Variants in SIMC1 observed in about 807,000 individuals in gnomAD.
SIMC1 encodes the protein SUMO-interacting motif-containing protein 1.
SIMC1 carries 55 observed loss-of-function variants against 82.3 expected under a neutral mutation model. The ratio of observed to expected loss-of-function variants is 0.67; its 90% CI spans 0.54 to 0.84. The LOEUF is 0.84. Ranked by LOEUF, SIMC1 falls within the 40% of genes least tolerant of loss-of-function variation. The pLI is 0.00. For synonymous variants in SIMC1, 353 were observed against 426.3 expected (o/e 0.83, Z 2.12); for missense variants, 915 against 1,107.2 (o/e 0.83, Z 2.46).
intron 5 of SIMC1, among the ~76,000 whole-genome samples, chr5:176,314,212 A>T (rs1764801639): frequency 6.6e-6 from 1 of 152,208 alleles, no homozygotes; most frequent in African/African-American, 2.4e-5. Context: ...GGTTGCAGTG[A>T]GCCGAGATTG....
At chr5:176,258,618 G>T (rs568005097) in intron 1 of SIMC1, among the ~76,000 whole-genome samples, 58 of 150,230 alleles carry the variant, frequency 3.9e-4, no homozygotes, top group South Asian at 1.3e-3. Context: ...ATAGAGTCTT[G>T]CTCTCTCACC....
chr5:176,243,461 T>C (rs1220309201), intron 1 of SIMC1, among the ~76,000 whole-genome samples: 3 of 152,052 alleles, frequency 2.0e-5, no homozygotes, highest in Non-Finnish European at 4.4e-5. Context: ...TTGGATTTTA[T>C]TGTAATACAG....
At chr5:176,321,833 A>G (rs1459314736) in intron 5 of SIMC1, among the ~76,000 whole-genome samples, 2 of 150,496 alleles carry the variant, frequency 1.3e-5, no homozygotes, top group Non-Finnish European at 2.9e-5. Flanking sequence ...TTTACCCTGA[A>G]GTTACCTTTG....
At chr5:176,297,527 ACG>A (rs1763872866) in intron 4 of SIMC1, among the ~76,000 whole-genome samples, 1 of 148,340 alleles carries the variant, frequency 6.7e-6, no homozygotes. Flanking sequence ...AAAAAAAAAA[ACG>A]TTGAATGAAC....
Position 176,288,410 on chromosome 5 carries a change from A to AGAAT in SIMC1, c.130-1231_130-1228dup, listed in dbSNP as rs746968105. Among the ~76,000 whole-genome samples, 253 of 132,864 alleles carry AGAAT rather than the reference A, an allele frequency of 1.9e-3. 1 individual carries two copies. Among genetic ancestry groups the AGAAT allele is most frequent in the East Asian group, 0.016 (67 of 4,294 alleles). The allele number at this position is 132,864 out of a possible 152,430, so 87.2% of individuals were successfully genotyped here. A position where few individuals can be genotyped will look rare whatever the true frequency, so the allele number is the denominator to read the frequency against. ...GCTAACAGAGCGAGACTCCATCTCA[A>AGAAT]GAATGAATGAATGAATAAATAAATA... is the stretch of plus-strand genomic sequence containing the variant. On this transcript the variant is annotated intron_variant, in intron 1 of 9. Coordinates refer to ENST00000429602, the MANE Select transcript of SIMC1 (RefSeq NM_001308195.2).
At chr5:176,272,636 G>A (rs1363533757) in intron 1 of SIMC1, among the ~76,000 whole-genome samples, 1 of 152,172 alleles carries the variant, frequency 6.6e-6, no homozygotes, top group Non-Finnish European at 1.5e-5. Context: ...GCAGGGTGAG[G>A]CTTTGCCTCG....
intron 1 of SIMC1, among the ~76,000 whole-genome samples, chr5:176,281,758 C>T (rs1227519400): frequency 6.6e-6 from 1 of 152,158 alleles, no homozygotes; most frequent in Non-Finnish European, 1.5e-5. Context: ...TCGTGAACCG[C>T]GAATGCTGCC....
intron 7 of SIMC1, among the ~76,000 whole-genome samples, chr5:176,335,405 T>C (rs1351969768): frequency 3.3e-5 from 5 of 149,892 alleles, no homozygotes; most frequent in African/African-American, 1.2e-4. Flanking sequence ...GCCTCCCAAG[T>C]AGCTGGGACT....
chr5:176,271,255 G>A (rs966949460), intron 1 of SIMC1, among the ~76,000 whole-genome samples: 1 of 152,178 alleles, frequency 6.6e-6, no homozygotes, highest in Non-Finnish European at 1.5e-5. Flanking sequence ...AGCTACTCAG[G>A]AGGCTGAGGC....
At chr5:176,332,604 G>C (rs1014049443) in intron 7 of SIMC1, among the ~76,000 whole-genome samples, 2 of 151,930 alleles carry the variant, frequency 1.3e-5, no homozygotes, top group Non-Finnish European at 2.9e-5. Flanking sequence ...TTTATTTTTA[G>C]ATTAAAATCT....
chr5:176,345,485 C>G lies in SIMC1; in HGVS notation c.*40C>G, dbSNP rs1351403029. On this transcript the variant is annotated 3_prime_UTR_variant, in exon 10 of 10. Coordinates refer to ENST00000429602, the MANE Select transcript of SIMC1 (RefSeq NM_001308195.2). ...CTGAATGCCAAGAATACCTCCTGAA[C>G]TCTCTCTCCAACTGCTCAGAAGCTC... 1 of 1,579,898 alleles carries G rather than the reference C, an allele frequency of 6.3e-7. No homozygotes were observed. Among genetic ancestry groups the G allele is most frequent in the Non-Finnish European group, 8.6e-7 (1 of 1,163,456 alleles).
intron 1 of SIMC1, among the ~76,000 whole-genome samples, chr5:176,287,604 A>T (rs552655516): frequency 6.6e-6 from 1 of 152,128 alleles, no homozygotes; most frequent in Non-Finnish European, 1.5e-5. Flanking sequence ...TGTTGTGCAC[A>T]TGTACCCTAG....
intron 1 of SIMC1, among the ~76,000 whole-genome samples, chr5:176,251,775 TG>T (rs1161349230): frequency 6.6e-6 from 1 of 150,602 alleles, no homozygotes. Context: ...TAGGGAGTGG[TG>T]ATGACTCTTA....
In SIMC1 at chr5:176,258,125, G is replaced by A. The variant is rs181007873; in HGVS notation, c.129+19488G>A. On this transcript the variant is annotated intron_variant, in intron 1 of 9. Coordinates refer to ENST00000429602, the MANE Select transcript of SIMC1 (RefSeq NM_001308195.2). ...CAGTAAAACTATAAGACTTCCTTGG[G>A]TTTGGTGCCTTTTTATGGAGCTAGT... 3.3e-3 allele frequency among the ~76,000 whole-genome samples: 495 copies of A among 152,282 alleles called. 1 individual carries two copies. The highest frequency in any genetic ancestry group is 4.7e-3 in the Non-Finnish European group (321 of 68,034).
chr5:176,337,562 C>G (rs918586593), intron 9 of SIMC1, among the ~76,000 whole-genome samples: 2 of 152,150 alleles, frequency 1.3e-5, no homozygotes, highest in Admixed American at 1.3e-4. Context: ...CCACTGCATT[C>G]CAGCCTGGGC....
intron 4 of SIMC1, among the ~76,000 whole-genome samples, chr5:176,305,174 C>T (rs1376780675): frequency 1.5e-5 from 1 of 67,130 alleles, no homozygotes; most frequent in African/African-American, 5.4e-5. Context: ...CCAGCCGTGC[C>T]GTCCGGGAGG....
chr5:176,246,192 C>T (rs112353314), intron 1 of SIMC1, among the ~76,000 whole-genome samples: 5 of 150,346 alleles, frequency 3.3e-5, no homozygotes, highest in South Asian at 4.2e-4. Context: ...TTGTATTTTT[C>T]GTAGAGACGG....
rs776370772 is a variant in SIMC1, at chr5:176,289,874, C to G, written c.350C>G (p.Ser117Cys). Reference protein sequence around the residue: ...AVMEGHVDRSSQPTARRIINS... With the variant: ...AVMEGHVDRSCQPTARRIINS... ...ATGGAAGGGCACGTGGACAGAAGCT[C>G]TCAGCCTACAGCACGGAGAATCATT... The change falls in exon 2 of 10, where the codon TCT becomes TGT. Residue 117 changes from serine to cysteine, a missense_variant. By Grantham distance (112) the Ser-to-Cys change is moderately radical. This residue lies in a region of SIMC1 where 902 missense variants were observed against 1,040.3 expected (regional missense o/e 0.87). Transcript: ENST00000429602. 1.9e-6 allele frequency: 3 copies of G among 1,613,940 alleles called. No individual in the cohort carries two copies. The South Asian group carries it at 3.3e-5, about 18-fold the overall frequency.
Position 176,263,476 on chromosome 5 carries a change from A to G in SIMC1, c.129+24839A>G, listed in dbSNP as rs1261308541. 6 of 1,545,986 alleles carry G rather than the reference A, an allele frequency of 3.9e-6. No individual in the cohort carries two copies. The East Asian group carries it at 9.8e-5, about 25-fold the overall frequency. On this transcript the variant is annotated intron_variant, in intron 1 of 9. Transcript: ENST00000429602. The stretch of plus-strand genomic sequence containing the variant: ...TGGTGAGGACCTCAGGAAGCTTCCA[A>G]CCATGGCAGAGGTGAATGGGGAGCA...
Sources: allele counts gnomAD v4.1 joint callset (sites outside exome capture counted in the v4.1 genomes callset), GRCh38; gene constraint gnomAD v4.1.1; regional missense constraint gnomAD v4.1.1; transcripts MANE v1.5; gene names NCBI Gene and HGNC (gene_info 2026-07-23, HGNC 2026-07-21).